PCDHA12: variants seen among roughly 807,000 people sequenced by gnomAD.
PCDHA12 encodes protocadherin alpha-12.
In PCDHA12, 44 loss-of-function variants were observed where a neutral mutation model predicts 60.0. That is an observed-to-expected ratio of 0.73 (90% CI 0.58 to 0.94). PCDHA12 has a LOEUF of 0.94. Among genes scored for constraint, PCDHA12 ranks in the 40% least tolerant of loss-of-function variants. The pLI, the probability that PCDHA12 is intolerant of heterozygous loss-of-function variation, is 0.00. For missense variants in PCDHA12, 1,276 were observed against 1,239.7 expected (o/e 1.03, Z -0.44); for synonymous variants, 569 against 553.0 (o/e 1.03, Z -0.40).
At chr5:140,927,297 G>C in intron 1 of PCDHA12, 1 of 1,614,150 alleles carries the variant, frequency 6.2e-7, no homozygotes, top group Non-Finnish European at 8.5e-7. Context: ...ACATCCCCGA[G>C]TTCCTGACGC....
intron 1 of PCDHA12, among the ~76,000 whole-genome samples, chr5:140,935,731 T>C (rs923257790): frequency 2.6e-5 from 4 of 152,202 alleles, no homozygotes; most frequent in Non-Finnish European, 4.4e-5. Context: ...AGAAGTCTAG[T>C]ATCTATTATT....
At chr5:140,957,070 C>T (rs1260856872) in intron 1 of PCDHA12, among the ~76,000 whole-genome samples, 2 of 151,958 alleles carry the variant, frequency 1.3e-5, no homozygotes, top group Non-Finnish European at 2.9e-5. Context: ...TGACTGAGGG[C>T]TTTTTATTAA....
Position 140,877,109 on chromosome 5 carries a change from G to T in PCDHA12, c.1637G>T (p.Gly546Val), listed in dbSNP as rs370191624. 6.2e-7 allele frequency: 1 copy of T among 1,613,590 alleles called. No individual in the cohort carries two copies. The highest frequency in any genetic ancestry group is 1.1e-5 in the South Asian group (1 of 91,062). ...CGCGACGCCGGCGTGCCGCCTCTGG[G>T]CAGCAACGTGACGCTGCAGGTGTTC... ...SARDAGVPPL[G>V]SNVTLQVFVL... Residue 546 changes from glycine to valine, a missense_variant, in exon 1 of 4, where the codon GGC becomes GTC. Physicochemically the swap from Gly to Val is moderately radical, Grantham distance 109. Transcript: ENST00000398631.
At chr5:140,990,792 T>C (rs1554251750) in intron 3 of PCDHA12, among the ~76,000 whole-genome samples, 2 of 152,176 alleles carry the variant, frequency 1.3e-5, no homozygotes, top group African/African-American at 4.8e-5. Flanking sequence ...CGATGAACCA[T>C]GGAATACAGA....
chr5:140,883,506 T>A (rs782204819), intron 1 of PCDHA12: 1 of 1,614,078 alleles, frequency 6.2e-7, no homozygotes, highest in Non-Finnish European at 8.5e-7. Context: ...GACAGCGCCC[T>A]GGACCGCGAG....
At chr5:140,969,661 G>A (rs2096351521) in intron 1 of PCDHA12, among the ~76,000 whole-genome samples, 2 of 152,166 alleles carry the variant, frequency 1.3e-5, no homozygotes, top group Non-Finnish European at 2.9e-5. Context: ...GTTTTAGGGA[G>A]TAATGTTATG....
In PCDHA12 at chr5:140,982,560, C is replaced by G. The variant is rs782437404; in HGVS notation, c.2512C>G (p.Pro838Ala). The G allele has an allele frequency of 5.6e-6, 9 of 1,614,098 alleles. No homozygotes were observed. Among genetic ancestry groups the G allele is most frequent in the South Asian group, 4.4e-5 (4 of 91,078 alleles). ...QQWPTVSSAT[P>A]EPEAGEVSPP... ...GTGGCCAACAGTATCCAGTGCAACA[C>G]CAGGTAAAGAGCTGGGGTCTCTCCA... Residue 838 changes from proline to alanine, a missense_variant, in exon 3 of 4, where the codon CCA (proline) becomes GCA (alanine). Physicochemically the swap from Pro to Ala is conservative, Grantham distance 27. Coordinates refer to ENST00000398631, the MANE Select transcript of PCDHA12 (RefSeq NM_018903.4).
chr5:140,887,853 C>G (rs145942561), intron 1 of PCDHA12, among the ~76,000 whole-genome samples: 1 of 152,170 alleles, frequency 6.6e-6, no homozygotes, highest in African/African-American at 2.4e-5. Flanking sequence ...GACATATTTT[C>G]CAAGTTCACT....
intron 1 of PCDHA12, among the ~76,000 whole-genome samples, chr5:140,971,325 T>C (rs1273585971): frequency 3.9e-5 from 6 of 152,190 alleles, no homozygotes; most frequent in African/African-American, 1.4e-4. Context: ...AGGGAGAAAA[T>C]TATTTCAGAA....
rs539970308 is a variant in PCDHA12 at position 140,890,959 on chromosome 5, G to GGTTTT, written c.2367+13126_2367+13130dup. 2.6e-4 allele frequency among the ~76,000 whole-genome samples: 40 copies of GGTTTT among 152,148 alleles called. 1 individual carries two copies. In the South Asian group the frequency reaches 8.1e-3, roughly 31 times the overall value. On this transcript the variant is annotated intron_variant, in intron 1 of 3. Transcript: ENST00000398631. ...AAGATGCTGGTGAGGAATGATTTCAGGTTTTGTTTTTCTGAAAATGTCTTT... is the reference window on the plus strand; with the variant it reads ...AAGATGCTGGTGAGGAATGATTTCAGGTTTTGTTTTGTTTTTCTGAAAATGTCTTT...
Position 140,884,599 on chromosome 5 carries a change from T to C in PCDHA12, c.2367+6760T>C, listed in dbSNP as rs1490825306. 3 of 1,614,042 alleles carry C rather than the reference T, an allele frequency of 1.9e-6. No homozygotes were observed. In the East Asian group the frequency reaches 6.7e-5, roughly 36 times the overall value. ...TCATGGCCTTCAGTCCCAGCCTTCC[T>C]CCTTGTCTGGGTTCTGCAGAGGGAA... On this transcript the variant is annotated intron_variant, in intron 1 of 3. Transcript: ENST00000398631.
intron 1 of PCDHA12, among the ~76,000 whole-genome samples, chr5:140,917,329 G>C (rs543216216): frequency 3.5e-5 from 5 of 143,930 alleles, no homozygotes; most frequent in South Asian, 2.2e-4. Flanking sequence ...TGTGGCGGGG[G>C]AGGGGGGGGA....
At chr5:141,001,974 C>T (rs1375819013) in intron 3 of PCDHA12, among the ~76,000 whole-genome samples, 1 of 152,136 alleles carries the variant, frequency 6.6e-6, no homozygotes, top group African/African-American at 2.4e-5. Flanking sequence ...TGTCTCTGCG[C>T]GGAAAGCCTG....
chr5:140,909,767 G>A (rs114075983), intron 1 of PCDHA12, among the ~76,000 whole-genome samples: 11,557 of 152,088 alleles, frequency 0.076, 504 homozygotes, highest in Middle Eastern at 0.14. Context: ...TGAGTCCAGG[G>A]ACCCACTGGA....
In PCDHA12 at chr5:140,886,699, G is replaced by A. The variant is rs540537249; in HGVS notation, c.2367+8860G>A. Among the ~76,000 whole-genome samples the A allele has an allele frequency of 7.8e-4, 119 of 151,966 alleles. 1 individual carries two copies. In the East Asian group the frequency reaches 0.01, roughly 13 times the overall value. ...AAATTAGCGAGGCATGGTGGCACGC[G>A]CCTGTAATCCCAGCTACTTGGGAGG... On this transcript the variant is annotated intron_variant, in intron 1 of 3. Transcript: ENST00000398631.
chr5:140,972,270 G>T (rs2096527606), intron 1 of PCDHA12, among the ~76,000 whole-genome samples: 2 of 151,190 alleles, frequency 1.3e-5, no homozygotes, highest in African/African-American at 4.9e-5. Context: ...CTCCTGAGTA[G>T]CTTGGACCAT....
intron 1 of PCDHA12, chr5:140,966,338 A>C (rs2095992774): frequency 2.5e-6 from 1 of 394,586 alleles, no homozygotes; most frequent in Non-Finnish European, 4.5e-6. Flanking sequence ...CGGCAGGTCC[A>C]GGGTGAAGGA....
chr5:140,968,185 C>T (rs1554230464), intron 1 of PCDHA12: 1 of 1,614,034 alleles, frequency 6.2e-7, no homozygotes, highest in East Asian at 2.2e-5. Context: ...TGGAGGACTC[C>T]TATTCCATCT....
At chr5:140,993,466 A>T (rs1374096077) in intron 3 of PCDHA12, among the ~76,000 whole-genome samples, 2 of 45,548 alleles carry the variant, frequency 4.4e-5, no homozygotes, top group African/African-American at 1.2e-4. Flanking sequence ...TCTTTCTCAC[A>T]CACACACACA....
Sources: allele counts gnomAD v4.1 joint callset (sites outside exome capture counted in the v4.1 genomes callset), GRCh38; gene constraint gnomAD v4.1.1; transcripts MANE v1.5; gene names NCBI Gene and HGNC (gene_info 2026-07-23, HGNC 2026-07-21).